CUX1: variants seen among roughly 807,000 people sequenced by gnomAD.
CUX1 encodes the protein cut like homeobox 1.
Under a neutral mutation model 158.8 loss-of-function variants are expected in CUX1, and 31 were observed. The ratio of observed to expected loss-of-function variants is 0.20; its 90% CI spans 0.15 to 0.26. The LOEUF is 0.26. CUX1 is among the 10% of genes least tolerant of loss of function. The pLI is 1.00. For missense variants in CUX1, 1,589 were observed against 2,014.6 expected, an observed-to-expected ratio of 0.79 and a Z score of 4.04; for synonymous variants, 879 against 862.1, an observed-to-expected ratio of 1.02 and a Z score of -0.34.
At chr7:101,980,207 CAGA>C (rs1419091537) in intron 2 of CUX1, among the ~76,000 whole-genome samples, 3 of 152,118 alleles carry the variant, frequency 2.0e-5, no homozygotes, top group Admixed American at 6.5e-5. Context: ...CAGGATCTTA[CAGA>C]AGAAGAACCT....
chr7:101,880,269 G>T (rs1425876369), intron 1 of CUX1, among the ~76,000 whole-genome samples: 2 of 152,142 alleles, frequency 1.3e-5, no homozygotes, highest in African/African-American at 4.8e-5. Context: ...CGTTCACTGT[G>T]GATTAAAGCT....
intron 1 of CUX1, among the ~76,000 whole-genome samples, chr7:101,873,168 G>A (rs1161835737): frequency 1.3e-5 from 2 of 149,190 alleles, no homozygotes; most frequent in South Asian, 2.1e-4. Flanking sequence ...ACCGCGCCTG[G>A]CCTCAGCTTC....
chr7:101,865,745 G>A (rs748277833), intron 1 of CUX1, among the ~76,000 whole-genome samples: 4 of 152,198 alleles, frequency 2.6e-5, no homozygotes, highest in East Asian at 1.9e-4. Context: ...CGGGACGTGC[G>A]CACTCATTCA....
chr7:102,216,687 C>CCCA (rs140023316), intron 20 of CUX1, among the ~76,000 whole-genome samples: 2 of 113,740 alleles, frequency 1.8e-5, no homozygotes, highest in African/African-American at 3.8e-5. Context: ...ACACACTCCC[C>CCCA]CACACACACT....
At chr7:101,839,437 T>C (rs1044614123) in intron 1 of CUX1, among the ~76,000 whole-genome samples, 3 of 152,206 alleles carry the variant, frequency 2.0e-5, no homozygotes, top group African/African-American at 7.2e-5. Flanking sequence ...CTTCCCAGCG[T>C]GGCTGCCCCA....
chr7:102,099,718 C>T (rs1481759363), intron 5 of CUX1, among the ~76,000 whole-genome samples: 4 of 152,062 alleles, frequency 2.6e-5, no homozygotes, highest in African/African-American at 7.2e-5. Context: ...TGTGTACCAC[C>T]GTGCCCAGCC....
At chr7:102,006,974 C>G (rs530842502) in intron 2 of CUX1, among the ~76,000 whole-genome samples, 17 of 152,172 alleles carry the variant, frequency 1.1e-4, no homozygotes, top group Non-Finnish European at 1.9e-4. Context: ...TTCGCCAGCG[C>G]GGGCCTCCTC....
intron 4 of CUX1, among the ~76,000 whole-genome samples, chr7:102,092,948 A>G (rs1175329044): frequency 9.3e-5 from 14 of 150,656 alleles, no homozygotes; most frequent in African/African-American, 2.7e-4. Flanking sequence ...AAAGAAAAGA[A>G]AAAAAGAGCT....
At chr7:101,956,517 C>G (rs1286785692) in intron 2 of CUX1, among the ~76,000 whole-genome samples, 1 of 152,072 alleles carries the variant, frequency 6.6e-6, no homozygotes, top group Non-Finnish European at 1.5e-5. Flanking sequence ...CTTCAGAAAA[C>G]TTCTTCAGGG....
At chr7:101,917,729 T>A (rs1434092765) in intron 2 of CUX1, among the ~76,000 whole-genome samples, 1 of 152,180 alleles carries the variant, frequency 6.6e-6, no homozygotes, top group Non-Finnish European at 1.5e-5. Context: ...CCCCGCCACA[T>A]CCATCGTGCT....
At chr7:102,170,986 G>C (rs562681335) in intron 10 of CUX1, among the ~76,000 whole-genome samples, 1 of 152,034 alleles carries the variant, frequency 6.6e-6, no homozygotes, top group East Asian at 1.9e-4. Context: ...AGGGGTGGGC[G>C]GGCAGAGAGG....
intron 3 of CUX1, among the ~76,000 whole-genome samples, chr7:102,029,722 GCCAGCAGGACA>G (rs1310868868): frequency 6.6e-6 from 1 of 152,126 alleles, no homozygotes; most frequent in East Asian, 1.9e-4. Flanking sequence ...GCTTGGTCCG[GCCAGCAGGACA>G]CCTGCATCCC....
At chr7:102,062,796 A>G (rs1825061745) in intron 3 of CUX1, among the ~76,000 whole-genome samples, 1 of 152,022 alleles carries the variant, frequency 6.6e-6, no homozygotes, top group African/African-American at 2.4e-5. Context: ...CCACTGCACT[A>G]CACATTTGTC....
rs1436191031 is a variant in CUX1, at chr7:102,249,790, CTAAA to C, written c.*751_*754del. The stretch of plus-strand genomic sequence containing the variant: ...ACTCTAAACACACTAGTTTGGATTC[CTAAA>C]TATTTTCAAGAAAAGAATCTTCTCG... On this transcript the variant is annotated 3_prime_UTR_variant, in exon 24 of 24. Transcript: ENST00000292535. 3.0e-6 allele frequency: 3 copies of C among 985,654 alleles called. No individual in the cohort carries two copies. Among genetic ancestry groups the C allele is most frequent in the African/African-American group, 3.5e-5 (2 of 57,316 alleles). 61.1% of individuals were successfully genotyped at this position (985,654 alleles called of 1,614,324 possible). A position where few individuals can be genotyped will look rare whatever the true frequency, so the allele number is the denominator to read the frequency against.
intron 9 of CUX1, among the ~76,000 whole-genome samples, chr7:102,160,640 A>C (rs1367194514): frequency 6.6e-6 from 1 of 152,110 alleles, no homozygotes; most frequent in Non-Finnish European, 1.5e-5. Flanking sequence ...AATCAAAAGA[A>C]AAGTGAACCT....
At chr7:102,159,869 T>G (rs1184740557) in intron 9 of CUX1, among the ~76,000 whole-genome samples, 4 of 149,242 alleles carry the variant, frequency 2.7e-5, no homozygotes, top group Non-Finnish European at 5.9e-5. Context: ...AAAATAAAAT[T>G]TAAAAATAAA....
intron 2 of CUX1, among the ~76,000 whole-genome samples, chr7:101,937,526 A>G (rs1359264762): frequency 6.7e-6 from 1 of 149,512 alleles, no homozygotes; most frequent in Admixed American, 6.6e-5. Flanking sequence ...TTTTTTTTTA[A>G]TTGAGACAGA....
intron 3 of CUX1, among the ~76,000 whole-genome samples, chr7:102,040,283 C>T (rs11971570): frequency 0.12 from 18,969 of 152,066 alleles, 1,551 homozygotes; most frequent in African/African-American, 0.24. Context: ...GGGAGGATGA[C>T]GGAACATCAG....
chr7:102,063,673 G>A (rs765936340), intron 3 of CUX1, among the ~76,000 whole-genome samples: 1 of 151,914 alleles, frequency 6.6e-6, no homozygotes, highest in Non-Finnish European at 1.5e-5. Context: ...GATTACAGGC[G>A]TGAGCCACCG....
Sources: allele counts gnomAD v4.1 joint callset (sites outside exome capture counted in the v4.1 genomes callset), GRCh38; gene constraint gnomAD v4.1.1; transcripts MANE v1.5; gene names NCBI Gene and HGNC (gene_info 2026-07-23, HGNC 2026-07-21).